LMBR1: variants seen among roughly 807,000 people sequenced by gnomAD.
LMBR1 encodes limb region 1 protein homolog.
LMBR1 carries 52 observed loss-of-function variants against 73.9 expected under a neutral mutation model. The observed-to-expected ratio is 0.70, with a 90% CI of 0.56 to 0.89. The LOEUF is 0.89. Ranked by LOEUF, LMBR1 falls within the 40% of genes least tolerant of loss-of-function variation. LMBR1 has a pLI of 0.00. For synonymous variants in LMBR1, 215 were observed against 209.4 expected, an observed-to-expected ratio of 1.03 and a Z score of -0.23; for missense variants, 539 against 579.8, an observed-to-expected ratio of 0.93 and a Z score of 0.72.
chr7:156,889,899 G>A (rs562089123), intron 1 of LMBR1, among the ~76,000 whole-genome samples: 8 of 152,264 alleles, frequency 5.3e-5, no homozygotes, highest in African/African-American at 1.9e-4. Context: ...AGCTACTTGG[G>A]AAGCTGAGGT....
At chr7:156,886,212 A>C (rs1801879489) in intron 1 of LMBR1, among the ~76,000 whole-genome samples, 1 of 152,198 alleles carries the variant, frequency 6.6e-6, no homozygotes, top group South Asian at 2.1e-4. Context: ...ACAAGGTGGC[A>C]ATCCTGATAG....
intron 11 of LMBR1, 117 bp from the exon 12 acceptor site, chr7:156,728,124 G>T (rs1370237853): frequency 2.6e-5 from 18 of 688,208 alleles, no homozygotes; most frequent in Non-Finnish European, 4.0e-5. Context: ...AGACCAAAAC[G>T]CTATATATAA....
At chr7:156,850,911 T>A (rs1371481122) in intron 1 of LMBR1, among the ~76,000 whole-genome samples, 1 of 152,196 alleles carries the variant, frequency 6.6e-6, no homozygotes, top group Non-Finnish European at 1.5e-5. Context: ...ATGAATGGCT[T>A]GGTGCCCTCC....
At chr7:156,771,214 G>A (rs1293626838) in intron 5 of LMBR1, among the ~76,000 whole-genome samples, 1 of 151,898 alleles carries the variant, frequency 6.6e-6, no homozygotes, top group Non-Finnish European at 1.5e-5. Context: ...CAGAAGACAA[G>A]AAATAACCAA....
chr7:156,705,518 C>T (rs1239085964), intron 15 of LMBR1, among the ~76,000 whole-genome samples: 1 of 152,054 alleles, frequency 6.6e-6, no homozygotes, highest in African/African-American at 2.4e-5. Flanking sequence ...GTGATCATGC[C>T]ACTGCACTCC....
rs1359810496 is a variant in LMBR1, at chr7:156,826,640, T to C, written c.284A>G (p.Tyr95Cys). 6.3e-7 allele frequency: 1 copy of C among 1,591,562 alleles called. No individual in the cohort carries two copies. Among genetic ancestry groups the C allele is most frequent in the Admixed American group, 1.8e-5 (1 of 57,056 alleles). Residue 95 changes from tyrosine to cysteine, a missense_variant, in exon 4 of 17, where the codon TAC becomes TGC. Around this residue, in one of 3 missense-constraint regions of LMBR1, gnomAD observed 454 missense variants for 473.4 expected, o/e 0.96. Coordinates refer to ENST00000353442, the MANE Select transcript of LMBR1 (RefSeq NM_022458.4). ...GGAGCCATTTAGCCACTGAATATAG[T>C]AGTTCTGAGGAAAAGAAAGCAGGAT... The part of the protein sequence containing the change: ...NEILLSFPQN[Y>C]YIQWLNGSLI...
chr7:156,749,940 C>T (rs997354149), intron 9 of LMBR1, among the ~76,000 whole-genome samples: 3 of 152,220 alleles, frequency 2.0e-5, no homozygotes, highest in African/African-American at 7.2e-5. Context: ...CTGCCTGCCT[C>T]GGCCTCCCAA....
intron 1 of LMBR1, chr7:156,872,151 C>A (rs1338171382): frequency 6.6e-6 from 1 of 151,988 alleles, no homozygotes; most frequent in African/African-American, 2.4e-5. Flanking sequence ...GAAAACTTTT[C>A]CTGATACCCT....
intron 1 of LMBR1, among the ~76,000 whole-genome samples, chr7:156,892,110 T>C (rs1803112145): frequency 6.6e-6 from 1 of 152,188 alleles, no homozygotes; most frequent in African/African-American, 2.4e-5. Flanking sequence ...CTTTCCAAGG[T>C]CAAGTCCGCT....
At chr7:156,815,612 T>C (rs1449107135) in intron 4 of LMBR1, among the ~76,000 whole-genome samples, 1 of 152,100 alleles carries the variant, frequency 6.6e-6, no homozygotes, top group Non-Finnish European at 1.5e-5. Flanking sequence ...GGGCAGAAAA[T>C]AATAAAGCTA....
At chr7:156,857,917 C>T (rs73167919) in intron 1 of LMBR1, among the ~76,000 whole-genome samples, 1 of 151,248 alleles carries the variant, frequency 6.6e-6, no homozygotes, top group African/African-American at 2.4e-5. Context: ...GAAAATAAAT[C>T]TTATGAAAAT....
downstream of LMBR1, chr7:156,675,655 G>C (rs765858545): frequency 6.3e-7 from 1 of 1,578,300 alleles, no homozygotes; most frequent in Non-Finnish European, 8.7e-7. Flanking sequence ...AACCTCCACC[G>C]AGCTCAGGTG....
At chr7:156,891,362 T>C (rs181065765) in intron 1 of LMBR1, among the ~76,000 whole-genome samples, 119 of 151,392 alleles carry the variant, frequency 7.9e-4, no homozygotes, top group Non-Finnish European at 1.3e-3. Flanking sequence ...AATTGTGCTA[T>C]AGTCACACAA....
chr7:156,850,351 A>T (rs1796069204), intron 1 of LMBR1, among the ~76,000 whole-genome samples: 1 of 152,178 alleles, frequency 6.6e-6, no homozygotes, highest in Non-Finnish European at 1.5e-5. Context: ...TTCATTATAT[A>T]TTATCCAGCC....
intron 1 of LMBR1, among the ~76,000 whole-genome samples, chr7:156,889,647 T>C (rs1398975970): frequency 2.0e-5 from 3 of 152,146 alleles, no homozygotes; most frequent in Non-Finnish European, 1.5e-5. Flanking sequence ...AAGAACTCCA[T>C]AATCGGTACC....
At chr7:156,767,378 T>C (rs1056609540) in intron 5 of LMBR1, among the ~76,000 whole-genome samples, 2 of 152,084 alleles carry the variant, frequency 1.3e-5, no homozygotes, top group African/African-American at 2.4e-5. Context: ...TAAACTAAAA[T>C]GCAATGCCAA....
chr7:156,774,047 G>A (rs1330286239), intron 5 of LMBR1, among the ~76,000 whole-genome samples: 1 of 151,952 alleles, frequency 6.6e-6, no homozygotes, highest in Non-Finnish European at 1.5e-5. Flanking sequence ...CTAAAAAGTG[G>A]GCAAAGAATA....
At chr7:156,887,862 G>C (rs2134577759) in intron 1 of LMBR1, among the ~76,000 whole-genome samples, 1 of 152,238 alleles carries the variant, frequency 6.6e-6, no homozygotes, top group African/African-American at 2.4e-5. Flanking sequence ...GCAAAGAACA[G>C]ATATTTCTCC....
chr7:156,706,490 T>C (rs888074334), intron 15 of LMBR1, among the ~76,000 whole-genome samples: 1 of 152,200 alleles, frequency 6.6e-6, no homozygotes, highest in African/African-American at 2.4e-5. Flanking sequence ...ATAAACCATA[T>C]GTTAAAACAC....
Sources: gnomAD v4.1 joint callset for allele counts (sites outside exome capture counted in the v4.1 genomes callset) on GRCh38, gnomAD v4.1.1 for gene constraint, gnomAD v4.1.1 regional missense constraint, MANE v1.5 for transcripts, NCBI Gene and HGNC (gene_info 2026-07-23, HGNC 2026-07-21) for gene names.